KIAA1217: variants seen among roughly 807,000 people sequenced by gnomAD.
The protein encoded by KIAA1217 is sickle tail protein homolog.
In KIAA1217, 88 loss-of-function variants were observed where a neutral mutation model predicts 163.9. That is an observed-to-expected ratio of 0.54 (90% confidence interval 0.45 to 0.64). The LOEUF is 0.64. Among genes scored for constraint, KIAA1217 ranks in the 30% least tolerant of loss-of-function variants. KIAA1217 has a pLI of 0.00. For synonymous variants in KIAA1217, 903 were observed against 923.1 expected (o/e 0.98, Z 0.39); for missense variants, 2,372 against 2,475.0 (o/e 0.96, Z 0.88).
intron 19 of KIAA1217, 151 bp from the exon 20 acceptor site, chr10:24,544,830 A>G: frequency 1.2e-6 from 1 of 815,406 alleles, no homozygotes; most frequent in Non-Finnish European, 2.0e-6. Context: ...GATTCTTCTG[A>G]TTAACCCCAG....
At chr10:23,936,700 G>A (rs1048959068) in intron 1 of KIAA1217, among the ~76,000 whole-genome samples, 12 of 152,114 alleles carry the variant, frequency 7.9e-5, no homozygotes, top group Non-Finnish European at 1.3e-4. Context: ...CAGAGGCAGC[G>A]TGGTCCTGCA....
At chr10:24,148,299 T>A (rs1430654590) in intron 2 of KIAA1217, among the ~76,000 whole-genome samples, 4 of 152,318 alleles carry the variant, frequency 2.6e-5, no homozygotes, top group Middle Eastern at 6.8e-3. Flanking sequence ...CTGATGCTCA[T>A]CTTTTACATG....
chr10:24,522,915 C>G (rs919937774), intron 12 of KIAA1217, among the ~76,000 whole-genome samples: 1 of 152,142 alleles, frequency 6.6e-6, no homozygotes, highest in African/African-American at 2.4e-5. Flanking sequence ...GTGGAGGCTA[C>G]AGTGAGCCGA....
chr10:24,284,530 T>A (rs1364348177), intron 2 of KIAA1217, among the ~76,000 whole-genome samples: 1 of 152,216 alleles, frequency 6.6e-6, no homozygotes, highest in Non-Finnish European at 1.5e-5. Context: ...TCCAGCTGCA[T>A]CCATGTTGCT....
intron 1 of KIAA1217, among the ~76,000 whole-genome samples, chr10:23,856,354 C>G (rs1029955354): frequency 2.6e-5 from 4 of 152,206 alleles, no homozygotes; most frequent in Non-Finnish European, 4.4e-5. Context: ...ATGCTGCTGT[C>G]TGATCGTTCC....
At chr10:23,937,671 C>T (rs1843589317) in intron 1 of KIAA1217, among the ~76,000 whole-genome samples, 1 of 152,176 alleles carries the variant, frequency 6.6e-6, no homozygotes. Flanking sequence ...GGCACCTTAA[C>T]TTAATTTGGC....
At chr10:23,712,029 T>C (rs1837290094) in intron 1 of KIAA1217, among the ~76,000 whole-genome samples, 1 of 152,142 alleles carries the variant, frequency 6.6e-6, no homozygotes, top group Admixed American at 6.5e-5. Flanking sequence ...GAGAATGACC[T>C]TCACCTTCCA....
At chr10:24,434,597 A>T (rs531572868) in intron 4 of KIAA1217, among the ~76,000 whole-genome samples, 2 of 152,184 alleles carry the variant, frequency 1.3e-5, no homozygotes, top group Admixed American at 1.3e-4. Flanking sequence ...CGGACTCCCA[A>T]ATGGTTGGGA....
intron 2 of KIAA1217, among the ~76,000 whole-genome samples, chr10:24,342,468 A>G (rs2047208865): frequency 6.6e-6 from 1 of 152,100 alleles, no homozygotes; most frequent in Non-Finnish European, 1.5e-5. Flanking sequence ...AAAATTAACC[A>G]TTGTTATTCA....
chr10:24,018,766 T>C (rs866800463), intron 2 of KIAA1217, among the ~76,000 whole-genome samples: 1 of 152,056 alleles, frequency 6.6e-6, no homozygotes, highest in Non-Finnish European at 1.5e-5. Flanking sequence ...ATCATGTTTA[T>C]TGCAGCACTA....
intron 1 of KIAA1217, among the ~76,000 whole-genome samples, chr10:23,992,874 C>T (rs1846279441): frequency 2.0e-5 from 3 of 151,672 alleles, no homozygotes; most frequent in Admixed American, 2.0e-4. Flanking sequence ...GAAGAAAGGC[C>T]ACCCTTAACC....
intron 1 of KIAA1217, among the ~76,000 whole-genome samples, chr10:23,728,742 A>G (rs977585976): frequency 2.0e-5 from 3 of 152,244 alleles, no homozygotes; most frequent in Non-Finnish European, 4.4e-5. Context: ...AAGCAATGGC[A>G]AAAGTAGACT....
intron 3 of KIAA1217, among the ~76,000 whole-genome samples, chr10:24,386,288 C>T (rs1342370949): frequency 5.3e-5 from 8 of 152,194 alleles, no homozygotes; most frequent in South Asian, 2.1e-4. Context: ...CTCAGGGGGA[C>T]GAATTATTGA....
chr10:24,332,473 A>G (rs1307530512), intron 2 of KIAA1217, among the ~76,000 whole-genome samples: 1 of 152,084 alleles, frequency 6.6e-6, no homozygotes, highest in South Asian at 2.1e-4. Context: ...TCATCACAAC[A>G]TCAATTTGGA....
rs74571349 is a variant in KIAA1217 at position 24,211,626 on chromosome 10, G to A, written c.70+2363G>A. Among the ~76,000 whole-genome samples, 470 of 150,892 alleles carry A rather than the reference G, an allele frequency of 3.1e-3. 9 individuals carry two copies. In the East Asian group the frequency reaches 0.051, roughly 16 times the overall value. On this transcript the variant is annotated intron_variant, in intron 1 of 20. Transcript: ENST00000376454. The stretch of plus-strand genomic sequence containing the variant: ...TATTTTAGAGAAGGGGTCTTGCTAT[G>A]TTGCCCAGGTGAGTTACAAAGGGAT...
chr10:24,520,873 A>G (rs7916984), intron 11 of KIAA1217, among the ~76,000 whole-genome samples: 3 of 147,738 alleles, frequency 2.0e-5, no homozygotes, highest in Non-Finnish European at 4.5e-5. Context: ...AAAATAAAAA[A>G]CAAAAAATAA....
intron 4 of KIAA1217, among the ~76,000 whole-genome samples, chr10:24,436,672 G>C (rs1280786424): frequency 7.1e-6 from 1 of 141,838 alleles, no homozygotes; most frequent in African/African-American, 2.6e-5. Flanking sequence ...GCAGGAGAAT[G>C]CTGTGAACCC....
intron 1 of KIAA1217, among the ~76,000 whole-genome samples, chr10:23,759,231 AT>A (rs757760818): frequency 5.3e-5 from 8 of 152,150 alleles, no homozygotes; most frequent in Non-Finnish European, 1.2e-4. Context: ...TTTTTAGTAT[AT>A]AAAAATGCAA....
At chr10:24,104,832 T>C (rs1721152427) in intron 2 of KIAA1217, among the ~76,000 whole-genome samples, 1 of 152,152 alleles carries the variant, frequency 6.6e-6, no homozygotes, top group African/African-American at 2.4e-5. Context: ...AAAAGTAAAG[T>C]GTGATTTAAA....
Sources: gnomAD v4.1 joint callset for allele counts (sites outside exome capture counted in the v4.1 genomes callset) on GRCh38, gnomAD v4.1.1 for gene constraint, MANE v1.5 for transcripts, NCBI Gene and HGNC (gene_info 2026-07-23, HGNC 2026-07-21) for gene names.